Variants in PGM3 observed in about 807,000 individuals in gnomAD.
The protein encoded by PGM3 is phosphoglucomutase 3.
Under a neutral mutation model 66.2 loss-of-function variants are expected in PGM3, and 40 were observed. The observed-to-expected ratio is 0.60, with a 90% confidence interval of 0.47 to 0.79. The LOEUF (loss-of-function observed/expected upper bound fraction) is 0.79, where lower values mean the gene tolerates loss of function less well. PGM3 is among the 30% of genes least tolerant of loss of function. PGM3 has a pLI of 0.00. For synonymous variants in PGM3, 191 were observed against 224.2 expected (o/e 0.85, Z 1.32); for missense variants, 537 against 643.4 (o/e 0.83, Z 1.79).
chr6:83,190,058 C>T (rs900341966), intron 2 of PGM3, among the ~76,000 whole-genome samples: 4 of 152,276 alleles, frequency 2.6e-5, no homozygotes, highest in Non-Finnish European at 5.9e-5. Context: ...GACTAACGTA[C>T]AGCGTGGTGA....
chr6:83,171,157 T>C (rs530046015), intron 11 of PGM3: 1 of 152,072 alleles, frequency 6.6e-6, no homozygotes, highest in Non-Finnish European at 1.5e-5. Context: ...CTAGGCAACA[T>C]AGTGAGATCT....
chr6:83,159,960 T>C (rs1236640287), downstream of PGM3: 1 of 1,613,932 alleles, frequency 6.2e-7, no homozygotes, highest in Non-Finnish European at 8.5e-7. Context: ...CAGTTTCAGA[T>C]GTAAGTAAAA....
chr6:83,176,064 T>TA lies in PGM3; in HGVS notation c.1030-5dup, dbSNP rs1787737913. ...TCTTAGTGCAATAGACAGGTACCTATAACACATGCATTTAAAGAAATACAG... is the reference window on the plus strand; with the variant it reads ...TCTTAGTGCAATAGACAGGTACCTATAAACACATGCATTTAAAGAAATACAG... On this transcript the variant is annotated splice_polypyrimidine_tract_variant and splice_region_variant and intron_variant, in intron 8 of 12. Coordinates refer to ENST00000513973, the MANE Select transcript of PGM3 (RefSeq NM_015599.3). The TA allele has an allele frequency of 1.3e-6, 2 of 1,484,236 alleles. No individual in the cohort carries two copies. The highest frequency in any genetic ancestry group is 1.9e-6 in the Non-Finnish European group (2 of 1,062,152). The allele number at this position is 1,484,236 out of a possible 1,614,324, so 91.9% of individuals were successfully genotyped here. A position where few individuals can be genotyped will look rare whatever the true frequency, so the allele number is the denominator to read the frequency against.
At chr6:83,191,155 G>T in intron 1 of PGM3, 141 bp from the exon 2 acceptor site, 1 of 1,488,906 alleles carries the variant, frequency 6.7e-7, no homozygotes, top group Non-Finnish European at 9.1e-7. Context: ...AGAGCAATGG[G>T]CAGGAGAGTA....
chr6:83,168,367 T>C lies in PGM3; in HGVS notation c.*867A>G. On this transcript the variant is annotated 3_prime_UTR_variant, in exon 13 of 13. Transcript: ENST00000513973. ...TTAAATATTGTTGGCTCATACTGAT[T>C]ATGGTGCCTAAGAGAGCTATATATA... 7.2e-7 allele frequency: 1 copy of C among 1,385,662 alleles called. No homozygotes were observed. The highest frequency in any genetic ancestry group is 9.3e-7 in the Non-Finnish European group (1 of 1,073,192). 85.8% of individuals were successfully genotyped at this position (1,385,662 alleles called of 1,614,324 possible).
chr6:83,174,605 A>G, intron 9 of PGM3, 118 bp from the exon 10 acceptor site: 2 of 545,278 alleles, frequency 3.7e-6, no homozygotes, highest in Non-Finnish European at 6.3e-6. Context: ...CTGAGGGGAA[A>G]AATAGTGGCA....
At chr6:83,185,329 T>G (rs1788497603) in intron 4 of PGM3, among the ~76,000 whole-genome samples, 1 of 152,236 alleles carries the variant, frequency 6.6e-6, no homozygotes, top group South Asian at 2.1e-4. Flanking sequence ...GAAACTATTA[T>G]TTCAGTTATA....
chr6:83,164,678 AAG>A (rs1238269460), downstream of PGM3: 1 of 1,585,628 alleles, frequency 6.3e-7, no homozygotes, highest in South Asian at 1.2e-5. Context: ...GGAGGACTTT[AAG>A]ACAGTGATTT....
chr6:83,152,166 A>AAT, the PGM3 span: 179 of 911,244 alleles, frequency 2.0e-4, no homozygotes, highest in African/African-American at 2.1e-3. Flanking sequence ...CAGTGGGAAA[A>AAT]ATATATATAT....
intron 4 of PGM3, among the ~76,000 whole-genome samples, chr6:83,184,009 C>A (rs1163115773): frequency 6.6e-6 from 1 of 152,168 alleles, no homozygotes; most frequent in Non-Finnish European, 1.5e-5. Flanking sequence ...AGCCACCACA[C>A]CCGGCCTGTC....
chr6:83,177,714 G>C (rs1256933152), intron 8 of PGM3, among the ~76,000 whole-genome samples: 1 of 152,148 alleles, frequency 6.6e-6, no homozygotes, highest in Admixed American at 6.5e-5. Flanking sequence ...ATTTTAATAA[G>C]AGTCATGCTA....
intron 1 of PGM3, 34 bp from the exon 2 acceptor site, chr6:83,191,048 C>T: frequency 6.3e-7 from 1 of 1,585,610 alleles, no homozygotes. Context: ...TCGGGCATAA[C>T]AAGTAATTTC....
the PGM3 span, chr6:83,153,686 C>A: frequency 7.6e-7 from 1 of 1,310,530 alleles, no homozygotes. Context: ...GTTCTGTTCC[C>A]TTATTGCCAT....
chr6:83,155,671 G>C, the PGM3 span, among the ~76,000 whole-genome samples: 3 of 152,096 alleles, frequency 2.0e-5, no homozygotes, highest in African/African-American at 7.2e-5. Flanking sequence ...ATATTAAAGG[G>C]TTTCCTCAGG....
Position 83,167,603 on chromosome 6 carries a change from G to C in PGM3, c.*1631C>G. 8.5e-7 allele frequency: 1 copy of C among 1,170,668 alleles called. No homozygotes were observed. Among genetic ancestry groups the C allele is most frequent in the Non-Finnish European group, 1.1e-6 (1 of 949,796 alleles). 72.5% of individuals were successfully genotyped at this position (1,170,668 alleles called of 1,614,324 possible). The stretch of plus-strand genomic sequence containing the variant: ...ATGTTTGACTCTATTCCTGTTCAAA[G>C]CTATTTCTGTTAACTAAGCTTATCT... On this transcript the variant is annotated 3_prime_UTR_variant, in exon 13 of 13. Coordinates refer to ENST00000513973, the MANE Select transcript of PGM3 (RefSeq NM_015599.3).
Position 83,188,740 on chromosome 6 carries a change from T to C in PGM3, c.263A>G (p.Glu88Gly). ...ATTTGCTAAACAGGTGGCATGTTCC[T>C]CCCAGGATGGTGCCAACATTTCACC... ...PLGEMLAPSW[E>G]EHATCLANAE... The change falls in exon 3 of 13, where the codon GAG becomes GGG. Residue 88 changes from glutamate to glycine, a missense_variant. Transcript: ENST00000513973. 6.2e-7 allele frequency: 1 copy of C among 1,614,122 alleles called. No individual in the cohort carries two copies. Among genetic ancestry groups the C allele is most frequent in the Non-Finnish European group, 8.5e-7 (1 of 1,179,970 alleles).
chr6:83,158,454 CT>C (rs1783368175), downstream of PGM3: 1 of 838,086 alleles, frequency 1.2e-6, no homozygotes, highest in Admixed American at 2.7e-5. Context: ...TTAAAAGATT[CT>C]GAAAATGTAT....
At chr6:83,171,214 G>A (rs1416596300) in intron 11 of PGM3, 1 of 152,072 alleles carries the variant, frequency 6.6e-6, no homozygotes, top group Non-Finnish European at 1.5e-5. Flanking sequence ...GGGGTATGAA[G>A]AATGTATAGG....
At position 83,190,796 on chromosome 6, in the gene PGM3, C is replaced by G; in HGVS notation, c.204+13G>C. 6.2e-7 allele frequency: 1 copy of G among 1,603,550 alleles called. No homozygotes were observed. Among genetic ancestry groups the G allele is most frequent in the Non-Finnish European group, 8.5e-7 (1 of 1,170,356 alleles). The stretch of plus-strand genomic sequence containing the variant: ...AATAATGGTCTGCTTTATCAGGGCA[C>G]TAAACCCATTACCTCAGGATTGTGG... On this transcript the variant is annotated intron_variant, in intron 2 of 12. Coordinates refer to ENST00000513973, the MANE Select transcript of PGM3 (RefSeq NM_015599.3).
Sources: allele counts gnomAD v4.1 joint callset (sites outside exome capture counted in the v4.1 genomes callset), GRCh38; gene constraint gnomAD v4.1.1; transcripts MANE v1.5; gene names NCBI Gene and HGNC (gene_info 2026-07-23, HGNC 2026-07-21).